The following ATG13 variants were observed in gnomAD, a reference collection of about 807,000 sequenced individuals.
ATG13 encodes the protein autophagy-related protein 13.
ATG13 carries 23 observed loss-of-function variants against 65.5 expected under a neutral mutation model. The observed-to-expected ratio is 0.35, with a 90% confidence interval of 0.25 to 0.50. ATG13 has a LOEUF of 0.50. Among genes scored for constraint, ATG13 ranks in the 20% least tolerant of loss-of-function variants. The pLI is 0.98. For missense variants in ATG13, 566 were observed against 677.0 expected (o/e 0.84, Z 1.82); for synonymous variants, 252 against 245.2 (o/e 1.03, Z -0.26).
chr11:46,664,869 C>G lies in ATG13; in HGVS notation c.909C>G (p.Ser303=). The G allele has an allele frequency of 6.2e-7, 1 of 1,613,952 alleles. No homozygotes were observed. Residue 303 remains serine (S), a synonymous_variant, in exon 13 of 19, where the codon TCC becomes TCG. Coordinates refer to ENST00000683050, the MANE Select transcript of ATG13 (RefSeq NM_001346311.2). ...CTTAGCTCTCAAGCTCTCGCCTTTCCTATCAGCCTGCTGCCCTGGGCGTTG... is the reference window on the plus strand; with the variant it reads ...CTTAGCTCTCAAGCTCTCGCCTTTCGTATCAGCCTGCTGCCCTGGGCGTTG... The part of the protein sequence containing the change: ...FSHQLSSSRL[S]YQPAALGVGS...
chr11:46,672,091 C>G (rs1261943848), intron 18 of ATG13, among the ~76,000 whole-genome samples, 164 bp from the exon 19 acceptor site: 1 of 152,258 alleles, frequency 6.6e-6, no homozygotes. Flanking sequence ...GCATATACCC[C>G]TCCCTACCCT....
At chr11:46,637,956 T>G (rs2054563129) in intron 2 of ATG13, among the ~76,000 whole-genome samples, 1 of 152,180 alleles carries the variant, frequency 6.6e-6, no homozygotes, top group East Asian at 1.9e-4. Context: ...GGGTATTAAG[T>G]CCTAGCTCTT....
chr11:46,665,015 A>C, intron 13 of ATG13, 56 bp downstream of exon 13: 2 of 1,500,410 alleles, frequency 1.3e-6, no homozygotes, highest in South Asian at 2.3e-5. Context: ...CCCTGCCCGG[A>C]GGCAATTGAG....
At position 46,617,820 on chromosome 11, in the gene ATG13, G is replaced by A. The variant is rs968331330; in HGVS notation, c.-140G>A. 2 of 399,126 alleles carry A rather than the reference G, an allele frequency of 5.0e-6. No homozygotes were observed. The highest frequency in any genetic ancestry group is 3.6e-5 in the East Asian group (1 of 28,102). 24.7% of individuals were successfully genotyped at this position (399,126 alleles called of 1,614,324 possible). On this transcript the variant is annotated 5_prime_UTR_variant, in exon 1 of 19. Transcript: ENST00000683050. ...CGCGGAACCCTCAGCCAGGAGGCGC[G>A]GCTGGTCGGTCCCAGGTCCCGGCCT...
chr11:46,654,263 T>G, intron 7 of ATG13, among the ~76,000 whole-genome samples: 1 of 135,350 alleles, frequency 7.4e-6, no homozygotes, highest in Non-Finnish European at 1.5e-5. Context: ...CAAGACCTCA[T>G]CACTACTATT....
chr11:46,668,373 T>A, intron 15 of ATG13, 126 bp from the exon 16 acceptor site: 1 of 923,850 alleles, frequency 1.1e-6, no homozygotes, highest in Non-Finnish European at 1.7e-6. Context: ...GGCAGGAGCC[T>A]AAGGGGCAGC....
chr11:46,622,112 TATATATATATATA>T (rs1565398447), intron 1 of ATG13, among the ~76,000 whole-genome samples: 25 of 86,128 alleles, frequency 2.9e-4, no homozygotes, highest in African/African-American at 1.2e-3. Flanking sequence ...TATATATATA[TATATATATATATA>T]TATTTATTTT....
At chr11:46,656,371 C>T in intron 8 of ATG13, 98 bp downstream of exon 8, 2 of 1,260,812 alleles carry the variant, frequency 1.6e-6, no homozygotes, top group East Asian at 4.7e-5. Context: ...AGATTGTCAT[C>T]TTAATATGCA....
At chr11:46,668,410 C>T in intron 15 of ATG13, 89 bp from the exon 16 acceptor site, 1 of 1,330,170 alleles carries the variant, frequency 7.5e-7, no homozygotes. Flanking sequence ...TGTGAACTTG[C>T]TGGACCTCTA....
chr11:46,662,126 A>G (rs1016920009), intron 11 of ATG13, among the ~76,000 whole-genome samples: 4 of 152,166 alleles, frequency 2.6e-5, no homozygotes, highest in African/African-American at 9.7e-5. Flanking sequence ...AAAGCAGACA[A>G]AGACCTACTT....
At chr11:46,665,035 A>G in intron 13 of ATG13, 76 bp downstream of exon 13, 3 of 1,373,524 alleles carry the variant, frequency 2.2e-6, no homozygotes, top group Admixed American at 1.9e-5. Flanking sequence ...GGGGTCTCTC[A>G]AGGCAGAGGG....
Position 46,650,310 on chromosome 11 carries a change from T to G in ATG13, c.451T>G (p.Leu151Val). Residue 151 changes from leucine (L) to valine (V), a missense_variant, in exon 7 of 19, where the codon TTA (leucine) becomes GTA (valine). By Grantham distance (32) the Leu-to-Val change is conservative. Coordinates refer to ENST00000683050, the MANE Select transcript of ATG13 (RefSeq NM_001346311.2). ...SRKQGHEYVI[L>V]YRIYFGEVQL... ...GAAACAAGGGCATGAATATGTCATA[T>G]TATACAGGTAAACAGCATAGATGGT... The G allele has an allele frequency of 6.2e-7, 1 of 1,613,710 alleles. No individual in the cohort carries two copies. Among genetic ancestry groups the G allele is most frequent in the Middle Eastern group, 1.6e-4 (1 of 6,062 alleles).
At chr11:46,646,827 A>G (rs532664900) in intron 5 of ATG13, among the ~76,000 whole-genome samples, 2 of 151,790 alleles carry the variant, frequency 1.3e-5, no homozygotes, top group East Asian at 2.0e-4. Flanking sequence ...TGGCACAATC[A>G]TGGCTCATTG....
intron 7 of ATG13, among the ~76,000 whole-genome samples, chr11:46,654,938 A>G (rs977755668): frequency 2.6e-5 from 4 of 151,992 alleles, no homozygotes; most frequent in African/African-American, 4.8e-5. Context: ...GTCTCTACCA[A>G]AAATACAAAA....
intron 1 of ATG13, among the ~76,000 whole-genome samples, chr11:46,618,526 AAG>A (rs1405500927): frequency 2.0e-5 from 3 of 152,218 alleles, no homozygotes; most frequent in South Asian, 2.1e-4. Context: ...AAAAAGAAAA[AAG>A]AGATTTTAAA....
At chr11:46,649,527 G>A (rs1303654100) in intron 6 of ATG13, among the ~76,000 whole-genome samples, 1 of 152,188 alleles carries the variant, frequency 6.6e-6, no homozygotes, top group Non-Finnish European at 1.5e-5. Flanking sequence ...TGTTTTCTGT[G>A]TGGCAGCCAT....
chr11:46,627,106 C>T (rs535317794), intron 1 of ATG13, among the ~76,000 whole-genome samples: 1 of 152,010 alleles, frequency 6.6e-6, no homozygotes, highest in Non-Finnish European at 1.5e-5. Context: ...CCGGGCCGGG[C>T]GTGATGGCTC....
At chr11:46,665,361 C>T in intron 13 of ATG13, 22 bp from the exon 14 acceptor site, 4 of 1,611,162 alleles carry the variant, frequency 2.5e-6, no homozygotes, top group Non-Finnish European at 3.4e-6. Flanking sequence ...GATTCACTGT[C>T]TCTTTCCATT....
Position 46,664,065 on chromosome 11 carries a change from C to T in ATG13, c.858C>T (p.Val286=). 1.3e-6 allele frequency: 2 copies of T among 1,597,240 alleles called. No individual in the cohort carries two copies. The highest frequency in any genetic ancestry group is 1.1e-5 in the South Asian group (1 of 90,946). ...PTPVVTDTLR[V]PMAGLAFSHQ... Reference sequence around the variant, plus strand: ...CTGTGGTGACGGACACCCTGAGGGTCCCCATGGCAGGACTGGCCTTTTCCC... The same window carrying T: ...CTGTGGTGACGGACACCCTGAGGGTTCCCATGGCAGGACTGGCCTTTTCCC... Residue 286 remains valine, a synonymous_variant, in exon 12 of 19, where the codon GTC becomes GTT. Coordinates refer to ENST00000683050, the MANE Select transcript of ATG13 (RefSeq NM_001346311.2).
Sources: gnomAD v4.1 joint callset for allele counts (sites outside exome capture counted in the v4.1 genomes callset) on GRCh38, gnomAD v4.1.1 for gene constraint, MANE v1.5 for transcripts, NCBI Gene and HGNC (gene_info 2026-07-23, HGNC 2026-07-21) for gene names.